The following CTNND2 variants were observed in gnomAD, a reference collection of about 807,000 sequenced individuals.
The protein encoded by CTNND2 is catenin delta-2.
In CTNND2, 22 loss-of-function variants were observed where a neutral mutation model predicts 144.4. That is an observed-to-expected ratio of 0.15 (90% CI 0.11 to 0.22). The LOEUF (loss-of-function observed/expected upper bound fraction) is 0.22, where lower values mean the gene tolerates loss of function less well. Ranked by LOEUF, CTNND2 falls within the 10% of genes least tolerant of loss-of-function variation. The pLI, the probability that CTNND2 is intolerant of heterozygous loss-of-function variation, is 1.00. For synonymous variants in CTNND2, 751 were observed against 695.6 expected (o/e 1.08, Z -1.25); for missense variants, 1,353 against 1,618.8 (o/e 0.84, Z 2.82).
intron 1 of CTNND2, among the ~76,000 whole-genome samples, chr5:11,835,555 T>C (rs1288631602): frequency 6.6e-6 from 1 of 152,208 alleles, no homozygotes; most frequent in Non-Finnish European, 1.5e-5. Flanking sequence ...TTGTGTTTCT[T>C]GAGGATTTTT....
chr5:11,694,045 G>A (rs769697509), intron 2 of CTNND2, among the ~76,000 whole-genome samples: 8 of 152,084 alleles, frequency 5.3e-5, no homozygotes, highest in South Asian at 4.1e-4. Flanking sequence ...TATTTTCTCC[G>A]TAGGGCACAC....
At chr5:11,106,922 T>C (rs1316919904) in intron 14 of CTNND2, among the ~76,000 whole-genome samples, 1 of 152,146 alleles carries the variant, frequency 6.6e-6, no homozygotes, top group African/African-American at 2.4e-5. Context: ...TTTCTGCTCC[T>C]GAACTGTGGA....
chr5:10,987,410 C>T (rs1326984666), intron 20 of CTNND2, among the ~76,000 whole-genome samples: 1 of 152,162 alleles, frequency 6.6e-6, no homozygotes, highest in Non-Finnish European at 1.5e-5. Flanking sequence ...ATTCTGGCCT[C>T]CATAGAGTCT....
At chr5:11,448,455 C>A (rs1765022692) in intron 3 of CTNND2, among the ~76,000 whole-genome samples, 2 of 152,068 alleles carry the variant, frequency 1.3e-5, no homozygotes, top group African/African-American at 4.8e-5. Context: ...TATTTCAAGT[C>A]TTTCGGGGAG....
At chr5:11,336,588 A>C (rs780073656) in intron 9 of CTNND2, among the ~76,000 whole-genome samples, 8 of 152,216 alleles carry the variant, frequency 5.3e-5, no homozygotes, top group Non-Finnish European at 7.3e-5. Flanking sequence ...GTGCTTATGC[A>C]AGGTTTGTAT....
Position 11,125,099 on chromosome 5 carries a change from G to A in CTNND2, c.2160-7532C>T, listed in dbSNP as rs76490234. ...TCCAAAAAGCCCATCCTTTTCTTCCGTGCAGGAAGATTGTCCTCTTTGTTG... is the reference window on the plus strand; with the variant it reads ...TCCAAAAAGCCCATCCTTTTCTTCCATGCAGGAAGATTGTCCTCTTTGTTG... On this transcript the variant is annotated intron_variant, in intron 12 of 21. Transcript: ENST00000304623. 5.5e-3 allele frequency among the ~76,000 whole-genome samples: 833 copies of A among 152,256 alleles called. 9 individuals are homozygous for A. The highest frequency in any genetic ancestry group is 0.019 in the African/African-American group (793 of 41,532).
At chr5:11,534,806 G>T (rs1774065063) in intron 3 of CTNND2, among the ~76,000 whole-genome samples, 1 of 152,148 alleles carries the variant, frequency 6.6e-6, no homozygotes, top group Non-Finnish European at 1.5e-5. Context: ...ATGTAAGTTA[G>T]TTTTTCCTCG....
intron 1 of CTNND2, among the ~76,000 whole-genome samples, chr5:11,771,492 A>G (rs1465045712): frequency 2.6e-5 from 4 of 152,120 alleles, no homozygotes; most frequent in Admixed American, 2.6e-4. Context: ...ATACTTAAAA[A>G]CACTACCATT....
intron 2 of CTNND2, among the ~76,000 whole-genome samples, chr5:11,612,896 C>A (rs1175866703): frequency 6.6e-6 from 1 of 151,956 alleles, no homozygotes; most frequent in Non-Finnish European, 1.5e-5. Flanking sequence ...GGAGACCCTG[C>A]CTCAATATAA....
At chr5:11,241,177 C>G (rs1254175836) in intron 9 of CTNND2, among the ~76,000 whole-genome samples, 1 of 152,178 alleles carries the variant, frequency 6.6e-6, no homozygotes, top group East Asian at 1.9e-4. Flanking sequence ...CACAGACACA[C>G]ACAGAGGAGT....
At chr5:11,863,456 G>A (rs1395441572) in intron 1 of CTNND2, among the ~76,000 whole-genome samples, 1 of 152,144 alleles carries the variant, frequency 6.6e-6, no homozygotes, top group African/African-American at 2.4e-5. Flanking sequence ...AGCATTACAT[G>A]GACAGCTGCT....
intron 1 of CTNND2, among the ~76,000 whole-genome samples, chr5:11,871,659 C>A (rs1231527909): frequency 6.6e-6 from 1 of 152,146 alleles, no homozygotes; most frequent in African/African-American, 2.4e-5. Context: ...GACTTTCTGG[C>A]ACCCTCTAGA....
At chr5:11,646,109 T>G (rs537038358) in intron 2 of CTNND2, among the ~76,000 whole-genome samples, 34 of 152,292 alleles carry the variant, frequency 2.2e-4, no homozygotes, top group Non-Finnish European at 3.4e-4. Flanking sequence ...TTTTTCTTCT[T>G]CTGCTCTTCT....
chr5:11,623,823 T>C (rs1461273990), intron 2 of CTNND2, among the ~76,000 whole-genome samples: 3 of 112,294 alleles, frequency 2.7e-5, no homozygotes, highest in East Asian at 4.9e-4. Context: ...TATATATATA[T>C]ATATATATAT....
At chr5:11,472,985 C>T (rs78643764) in intron 3 of CTNND2, among the ~76,000 whole-genome samples, 2 of 152,174 alleles carry the variant, frequency 1.3e-5, no homozygotes, top group Admixed American at 6.5e-5. Context: ...GCAAGAGAAT[C>T]GCTTGAACCT....
chr5:11,892,002 T>C (rs1737000821), intron 1 of CTNND2, among the ~76,000 whole-genome samples: 1 of 152,248 alleles, frequency 6.6e-6, no homozygotes, highest in African/African-American at 2.4e-5. Context: ...TGTGAATCTG[T>C]TGTCAAAACG....
intron 2 of CTNND2, among the ~76,000 whole-genome samples, chr5:11,713,771 A>G (rs1561721850): frequency 6.6e-6 from 1 of 152,074 alleles, no homozygotes; most frequent in Non-Finnish European, 1.5e-5. Flanking sequence ...TAATTCTGCA[A>G]ATTTCTTAGG....
intron 16 of CTNND2, among the ~76,000 whole-genome samples, chr5:11,038,836 A>G (rs1368245215): frequency 6.6e-6 from 1 of 152,188 alleles, no homozygotes; most frequent in African/African-American, 2.4e-5. Flanking sequence ...TGCTATACCT[A>G]TGTCTATACA....
intron 1 of CTNND2, among the ~76,000 whole-genome samples, chr5:11,890,593 T>C (rs1207737556): frequency 3.9e-5 from 6 of 152,200 alleles, no homozygotes; most frequent in African/African-American, 1.2e-4. Flanking sequence ...ATGCCAGGTA[T>C]GCATTAATGC....
Sources: gnomAD v4.1 joint callset for allele counts (sites outside exome capture counted in the v4.1 genomes callset) on GRCh38, gnomAD v4.1.1 for gene constraint, MANE v1.5 for transcripts, NCBI Gene and HGNC (gene_info 2026-07-23, HGNC 2026-07-21) for gene names.